CARMIL3: variants seen among roughly 807,000 people sequenced by gnomAD.
The protein encoded by CARMIL3 is capping protein regulator and myosin 1 linker 3.
CARMIL3 carries 88 observed loss-of-function variants against 180.8 expected under a neutral mutation model. That is an observed-to-expected ratio of 0.49 (90% CI 0.41 to 0.58). CARMIL3 has a LOEUF of 0.58. CARMIL3 is among the 20% of genes least tolerant of loss of function. The pLI is 0.00. For missense variants in CARMIL3, 1,548 were observed against 1,787.0 expected (o/e 0.87, Z 2.41); for synonymous variants, 696 against 714.5 (o/e 0.97, Z 0.41).
rs376183678 is a variant in CARMIL3, at chr14:24,057,977, C to A, written c.1235C>A (p.Pro412Gln). 3.7e-6 allele frequency: 6 copies of A among 1,613,516 alleles called. No homozygotes were observed. Among genetic ancestry groups the A allele is most frequent in the Non-Finnish European group, 5.1e-6 (6 of 1,180,014 alleles). Residue 412 changes from proline to glutamine, a missense_variant, in exon 16 of 40, where the codon CCG (proline) becomes CAG (glutamine). Pro to Gln is a moderately conservative substitution (Grantham distance 76). Around this residue, in one of 4 missense-constraint regions of CARMIL3, gnomAD observed 578 missense variants for 666.5 expected, o/e 0.87. Transcript: ENST00000342740. ...SCSHRKGREA[P>Q]PAFKQFFSSA... is the part of the protein sequence containing the mutation. ...CTCCACAGGAAGGGTCGAGAGGCCC[C>A]GCCGGCCTTCAAGCAGTTCTTCAGC...
intron 1 of CARMIL3, among the ~76,000 whole-genome samples, chr14:24,052,528 C>T (rs557656249): frequency 6.6e-6 from 1 of 152,198 alleles, no homozygotes; most frequent in Non-Finnish European, 1.5e-5. Context: ...GGAGAGTCCC[C>T]GCTTCCCCGC....
intron 1 of CARMIL3, 83 bp from the exon 2 acceptor site, chr14:24,053,626 C>T (rs1468131262): frequency 5.0e-6 from 5 of 1,003,298 alleles, no homozygotes; most frequent in African/African-American, 3.2e-5. Flanking sequence ...TTGACCCTGA[C>T]CCTGCCTCTA....
intron 33 of CARMIL3, 135 bp from the exon 34 acceptor site, chr14:24,065,487 C>T: frequency 7.5e-7 from 1 of 1,336,414 alleles, no homozygotes; most frequent in Non-Finnish European, 1.0e-6. Flanking sequence ...GTTGGAAGGA[C>T]TCTTCAGAGG....
In CARMIL3 at chr14:24,058,568, C is replaced by T; in HGVS notation, c.1393-112C>T. The T allele has an allele frequency of 1.2e-6, 1 of 838,548 alleles. No homozygotes were observed. The highest frequency in any genetic ancestry group is 2.4e-5 in the Admixed American group (1 of 41,698). The allele number at this position is 838,548 out of a possible 1,614,324, so 51.9% of individuals were successfully genotyped here. On this transcript the variant is annotated intron_variant, in intron 17 of 39. Transcript: ENST00000342740. The surrounding 1 kb of genome is among the most constrained non-coding windows in gnomAD (Gnocchi z 6.4). ...GGGAAAGAGTCTCCCTGATTTTACA[C>T]CCAGATCCTGGCATGACTTTGAGTT... is the stretch of plus-strand genomic sequence containing the variant.
intron 33 of CARMIL3, 48 bp from the exon 34 acceptor site, chr14:24,065,574 A>T (rs749313827): frequency 2.6e-6 from 4 of 1,559,072 alleles, no homozygotes; most frequent in Middle Eastern, 1.7e-4. Flanking sequence ...CAGCCTGGGG[A>T]GCCCCCTTCG....
rs1417595078 is a variant in CARMIL3, at chr14:24,054,608, C to T, written c.362+97C>T. The T allele has an allele frequency of 1.3e-6, 2 of 1,490,910 alleles. No individual in the cohort carries two copies. The highest frequency in any genetic ancestry group is 9.2e-7 in the Non-Finnish European group (1 of 1,087,634). The allele number at this position is 1,490,910 out of a possible 1,614,324, so 92.4% of individuals were successfully genotyped here. A position where few individuals can be genotyped will look rare whatever the true frequency, so the allele number is the denominator to read the frequency against. On this transcript the variant is annotated intron_variant, in intron 5 of 39. Transcript: ENST00000342740. This position sits in a 1 kb window ranked among gnomAD's most constrained non-coding sequence, Gnocchi z 5.1. ...GGCCAGGGCTGAGAAGGAGAGCTCTCATGTCCCCACTCCTGGTTTTTCCTG... is the reference window on the plus strand; with the variant it reads ...GGCCAGGGCTGAGAAGGAGAGCTCTTATGTCCCCACTCCTGGTTTTTCCTG...
Position 24,062,711 on chromosome 14 carries a change from C to T in CARMIL3, c.2571C>T (p.Ala857=). 1 of 1,607,744 alleles carries T rather than the reference C, an allele frequency of 6.2e-7. No homozygotes were observed. The highest frequency in any genetic ancestry group is 8.5e-7 in the Non-Finnish European group (1 of 1,176,130). Residue 857 remains alanine, a splice_region_variant and synonymous_variant, in exon 29 of 40, where the codon GCC becomes GCT. Coordinates refer to ENST00000342740, the MANE Select transcript of CARMIL3 (RefSeq NM_138360.4). ...QELYHSHKSL[A]RHLTQLRTLS... is the part of the protein sequence containing the mutation. ...TGTTCACACCTGCCCTTCCCCAGGC[C>T]CGGCACCTGACCCAGCTAAGGACGC...
In CARMIL3 at chr14:24,060,157, A is replaced by G; in HGVS notation, c.1963A>G (p.Ile655Val). Residue 655 changes from isoleucine (I) to valine (V), a missense_variant and splice_region_variant, in exon 24 of 40, where the codon ATC (isoleucine) becomes GTC (valine). Around this residue, in one of 4 missense-constraint regions of CARMIL3, gnomAD observed 297 missense variants for 415.9 expected, o/e 0.71. Transcript: ENST00000342740. ...GACCCACCAACCCCATCATCTCCAGATCCAATGGTGCTTAGTGAGGAACAA... is the reference window on the plus strand; with the variant it reads ...GACCCACCAACCCCATCATCTCCAGGTCCAATGGTGCTTAGTGAGGAACAA... ...PERTEDVWQK[I>V]QWCLVRNNHS... 1 of 1,614,082 alleles carries G rather than the reference A, an allele frequency of 6.2e-7. No homozygotes were observed. Among genetic ancestry groups the G allele is most frequent in the Non-Finnish European group, 8.5e-7 (1 of 1,180,002 alleles).
Position 24,069,428 on chromosome 14 carries a change from G to C in CARMIL3, c.*24G>C, listed in dbSNP as rs776920924. ...GACAACTGCCACAACACCCTCCTCA[G>C]CCCTCGACATGTGCCTCGCAAGGAC... On this transcript the variant is annotated 3_prime_UTR_variant, in exon 40 of 40. Coordinates refer to ENST00000342740, the MANE Select transcript of CARMIL3 (RefSeq NM_138360.4). The C allele has an allele frequency of 4.3e-6, 7 of 1,614,074 alleles. No individual in the cohort carries two copies. Among genetic ancestry groups the C allele is most frequent in the Non-Finnish European group, 5.9e-6 (7 of 1,179,994 alleles).
intron 8 of CARMIL3, 48 bp downstream of exon 8, chr14:24,055,358 C>T: frequency 6.3e-7 from 1 of 1,599,356 alleles, no homozygotes; most frequent in East Asian, 2.2e-5. Flanking sequence ...CAAATTCAGC[C>T]CAACCCCAGC....
rs751396590 is a variant in CARMIL3, at chr14:24,068,588, A to C, written c.3687A>C (p.Glu1229Asp). Residue 1229 changes from glutamate (E) to aspartate (D), a missense_variant, in exon 37 of 40, where the codon GAA (glutamate) becomes GAC (aspartate). Around this residue, in one of 4 missense-constraint regions of CARMIL3, gnomAD observed 668 missense variants for 687.8 expected, o/e 0.97. Transcript: ENST00000342740. ...TCTCCTCTCTCTCATCCCCAGCTGA[A>C]GAGAGTGCCCCCAACCACAGCTGCC... The part of the protein sequence containing the change: ...RRAEATWHIA[E>D]ESAPNHSCQS... 2 of 1,610,800 alleles carry C rather than the reference A, an allele frequency of 1.2e-6. No homozygotes were observed. The highest frequency in any genetic ancestry group is 1.7e-6 in the Non-Finnish European group (2 of 1,177,998).
chr14:24,065,492 C>A, intron 33 of CARMIL3, 130 bp from the exon 34 acceptor site: 3 of 1,373,046 alleles, frequency 2.2e-6, no homozygotes, highest in Non-Finnish European at 3.0e-6. Flanking sequence ...AAGGACTCTT[C>A]AGAGGGTCTC....
At position 24,061,616 on chromosome 14, in the gene CARMIL3, C is replaced by T; in HGVS notation, c.2424C>T (p.Asn808=). The change falls in exon 27 of 40, where the codon AAC becomes AAT. Residue 808 remains asparagine (N), a synonymous_variant. Coordinates refer to ENST00000342740, the MANE Select transcript of CARMIL3 (RefSeq NM_138360.4). This position sits in a 1 kb window ranked among gnomAD's most constrained non-coding sequence, Gnocchi z 4.1. ...NVAERVTVPR[N]FIRGALLEQA... ...CGGAGCGTGTCACTGTGCCCCGGAA[C>T]TTCATCCGAGGGGCACTGCTGGAGC... The T allele has an allele frequency of 6.2e-7, 1 of 1,613,982 alleles. No individual in the cohort carries two copies. Among genetic ancestry groups the T allele is most frequent in the Non-Finnish European group, 8.5e-7 (1 of 1,180,006 alleles).
intron 10 of CARMIL3, 116 bp from the exon 11 acceptor site, chr14:24,056,183 T>C (rs541053469): frequency 2.6e-6 from 2 of 781,568 alleles, no homozygotes; most frequent in South Asian, 3.5e-5. Context: ...TCCCCTGTTG[T>C]GGGGGCCTCT....
At chr14:24,063,225 G>A (rs772255678) in intron 30 of CARMIL3, 42 bp downstream of exon 30, 7 of 1,599,812 alleles carry the variant, frequency 4.4e-6, no homozygotes, top group East Asian at 4.5e-5. Flanking sequence ...CCAGACTCCC[G>A]CCCTCTGTAG....
chr14:24,065,337 AC>A, intron 33 of CARMIL3, 64 bp downstream of exon 33: 1 of 1,377,144 alleles, frequency 7.3e-7, no homozygotes, highest in African/African-American at 1.5e-5. Flanking sequence ...CCAGTCTCCT[AC>A]CCCACCCCAA....
chr14:24,065,213 G>C lies in CARMIL3; in HGVS notation c.3336G>C (p.Glu1112Asp). Residue 1112 changes from glutamate to aspartate, a missense_variant, in exon 33 of 40, where the codon GAG (glutamate) becomes GAC (aspartate). Physicochemically the swap from Glu to Asp is conservative, Grantham distance 45. Around this residue, in one of 4 missense-constraint regions of CARMIL3, gnomAD observed 668 missense variants for 687.8 expected, o/e 0.97. Transcript: ENST00000342740. The stretch of plus-strand genomic sequence containing the variant: ...CCTCTCCCTGCTGGAGCCCAGAGGA[G>C]GAGAGCAGCCTCCTCCCTGGATTTG... ...NNSSPCWSPE[E>D]ESSLLPGFGG... 6.4e-7 allele frequency: 1 copy of C among 1,558,608 alleles called. No individual in the cohort carries two copies. Among genetic ancestry groups the C allele is most frequent in the Non-Finnish European group, 8.6e-7 (1 of 1,158,070 alleles).
chr14:24,059,949 C>A lies in CARMIL3; in HGVS notation c.1869-21C>A, dbSNP rs2035714746. On this transcript the variant is annotated intron_variant, in intron 22 of 39. Coordinates refer to ENST00000342740, the MANE Select transcript of CARMIL3 (RefSeq NM_138360.4). This position sits in a 1 kb window ranked among gnomAD's most constrained non-coding sequence, Gnocchi z 6.3. ...CCCATCCTCACCTGTTCCCACCCAG[C>A]TGTGCCCCTGTGTCCCACAGCAACC... 6.2e-7 allele frequency: 1 copy of A among 1,613,130 alleles called. No individual in the cohort carries two copies. The highest frequency in any genetic ancestry group is 8.5e-7 in the Non-Finnish European group (1 of 1,179,380).
chr14:24,062,960 C>T, intron 29 of CARMIL3, 114 bp downstream of exon 29: 1 of 1,535,584 alleles, frequency 6.5e-7, no homozygotes, highest in East Asian at 2.3e-5. Context: ...CTGTGCCTGG[C>T]CTTCTGCCTC....
Sources: gnomAD v4.1 joint callset for allele counts (sites outside exome capture counted in the v4.1 genomes callset) on GRCh38, gnomAD v4.1.1 for gene constraint, gnomAD v4.1.1 regional missense constraint, Gnocchi (gnomAD v3.1) non-coding constraint, MANE v1.5 for transcripts, NCBI Gene and HGNC (gene_info 2026-07-23, HGNC 2026-07-21) for gene names.